Variants in GALNT17 observed in about 807,000 individuals in gnomAD.
GALNT17 encodes UDP-GalNAc:polypeptide N-acetylgalactosaminyltransferase-like 3.
Under a neutral mutation model 63.7 loss-of-function variants are expected in GALNT17, and 29 were observed. That is an observed-to-expected ratio of 0.46 (90% CI 0.34 to 0.62). The LOEUF is 0.62. GALNT17 is among the 20% of genes least tolerant of loss of function. GALNT17 has a pLI of 0.01. For synonymous variants in GALNT17, 305 were observed against 318.3 expected (o/e 0.96, Z 0.45); for missense variants, 603 against 799.6 (o/e 0.75, Z 2.97).
chr7:71,181,185 G>A (rs903058219), intron 1 of GALNT17, among the ~76,000 whole-genome samples: 48 of 149,770 alleles, frequency 3.2e-4, no homozygotes, highest in African/African-American at 1.1e-3. Context: ...AACCCAGGAG[G>A]CATAGGTTAC....
At chr7:71,707,765 C>CT (rs1227468683) in intron 9 of GALNT17, among the ~76,000 whole-genome samples, 1 of 152,166 alleles carries the variant, frequency 6.6e-6, no homozygotes, top group African/African-American at 2.4e-5. Context: ...ACAGGCCAGC[C>CT]TGGGCTTACT....
intron 1 of GALNT17, among the ~76,000 whole-genome samples, chr7:71,148,784 A>T (rs1788071336): frequency 6.7e-6 from 1 of 149,850 alleles, no homozygotes; most frequent in Non-Finnish European, 1.5e-5. Flanking sequence ...TTTCCCCCTC[A>T]GGGTACATAA....
chr7:71,338,544 G>T (rs528186932), intron 2 of GALNT17, among the ~76,000 whole-genome samples: 5 of 152,072 alleles, frequency 3.3e-5, no homozygotes, highest in African/African-American at 1.2e-4. Flanking sequence ...TGTGCATCTT[G>T]GTTGGATTAT....
intron 2 of GALNT17, among the ~76,000 whole-genome samples, chr7:71,352,214 C>G (rs1010549353): frequency 3.9e-5 from 6 of 152,164 alleles, no homozygotes; most frequent in Admixed American, 6.5e-5. Context: ...CTCTCTAATT[C>G]TCTCTTGCCG....
At chr7:71,137,306 A>AT (rs945661210) in intron 1 of GALNT17, among the ~76,000 whole-genome samples, 2 of 150,900 alleles carry the variant, frequency 1.3e-5, no homozygotes, top group Non-Finnish European at 3.0e-5. Flanking sequence ...CGCCCGGCTA[A>AT]TTTTTTGTAT....
chr7:71,688,944 G>A lies in GALNT17; in HGVS notation c.1500+11638G>A, dbSNP rs369730312. Among the ~76,000 whole-genome samples the A allele has an allele frequency of 5.3e-5, 8 of 152,140 alleles. No homozygotes were observed. The East Asian group carries it at 1.5e-3, about 29-fold the overall frequency. ...GTCTATGGGTGCCGTTTTTCCAACA[G>A]CACCTGCTCACTTCCTGTCGCTGTG... On this transcript the variant is annotated intron_variant, in intron 9 of 10. Transcript: ENST00000333538.
chr7:71,281,136 C>A, intron 1 of GALNT17, among the ~76,000 whole-genome samples: 1 of 152,078 alleles, frequency 6.6e-6, no homozygotes, highest in Admixed American at 6.5e-5. Context: ...TAGAAGAAAC[C>A]AAAAGCGGGC....
chr7:71,523,749 AAATAAATAAAT>A (rs1384439194), intron 5 of GALNT17, among the ~76,000 whole-genome samples: 32 of 83,912 alleles, frequency 3.8e-4, no homozygotes, highest in African/African-American at 1.7e-3. Context: ...CTCAAAAAAT[AAATAAATAAAT>A]AAATAAATAA....
intron 1 of GALNT17, among the ~76,000 whole-genome samples, chr7:71,318,683 C>G (rs1355776483): frequency 3.3e-5 from 5 of 152,160 alleles, no homozygotes; most frequent in Non-Finnish European, 7.4e-5. Flanking sequence ...CCACCTCAGC[C>G]TCCCAAAGTG....
At chr7:71,358,804 G>A (rs545527018) in intron 2 of GALNT17, among the ~76,000 whole-genome samples, 67 of 148,680 alleles carry the variant, frequency 4.5e-4, no homozygotes, top group African/African-American at 1.6e-3. Context: ...ACGTGGTTTC[G>A]CTCTTGTTGC....
At chr7:71,708,730 A>G (rs1791753001) in intron 9 of GALNT17, among the ~76,000 whole-genome samples, 2 of 152,034 alleles carry the variant, frequency 1.3e-5, no homozygotes, top group Admixed American at 1.3e-4. Flanking sequence ...TCCTTTTGGC[A>G]TTCCCAGTGT....
chr7:71,496,788 G>C (rs1563136420), intron 5 of GALNT17, among the ~76,000 whole-genome samples: 1 of 152,080 alleles, frequency 6.6e-6, no homozygotes, highest in Non-Finnish European at 1.5e-5. Flanking sequence ...GGGTGGGGTG[G>C]GGAGCGGGGG....
chr7:71,389,419 G>A (rs1793009241), intron 3 of GALNT17, among the ~76,000 whole-genome samples: 1 of 152,036 alleles, frequency 6.6e-6, no homozygotes. Flanking sequence ...CAGGCCATGA[G>A]CCACCGTGCC....
At chr7:71,460,663 G>T (rs974989231) in intron 5 of GALNT17, among the ~76,000 whole-genome samples, 34 of 152,222 alleles carry the variant, frequency 2.2e-4, no homozygotes, top group Middle Eastern at 3.4e-3. Flanking sequence ...ATAAAATAAT[G>T]GCTACTCCCT....
intron 5 of GALNT17, among the ~76,000 whole-genome samples, chr7:71,513,047 G>A (rs989098699): frequency 3.3e-5 from 5 of 152,192 alleles, no homozygotes; most frequent in African/African-American, 1.2e-4. Context: ...AGCCTTTTCT[G>A]TGTTCTCGGG....
At chr7:71,317,575 G>C (rs1033357614) in intron 1 of GALNT17, among the ~76,000 whole-genome samples, 3 of 152,114 alleles carry the variant, frequency 2.0e-5, no homozygotes, top group African/African-American at 7.2e-5. Context: ...GGCTGCTCTG[G>C]GGGGATCATG....
At chr7:71,594,376 G>A (rs1026961898) in intron 6 of GALNT17, among the ~76,000 whole-genome samples, 1 of 152,036 alleles carries the variant, frequency 6.6e-6, no homozygotes, top group African/African-American at 2.4e-5. Flanking sequence ...TGCAACCTCC[G>A]CCTCCCGGGT....
At chr7:71,414,139 G>A (rs967522991) in intron 3 of GALNT17, among the ~76,000 whole-genome samples, 1 of 152,156 alleles carries the variant, frequency 6.6e-6, no homozygotes, top group African/African-American at 2.4e-5. Context: ...TACTCGGGAG[G>A]CTGAGGCAGG....
chr7:71,415,411 T>G (rs550102646), intron 3 of GALNT17, among the ~76,000 whole-genome samples: 116 of 152,292 alleles, frequency 7.6e-4, no homozygotes, highest in African/African-American at 2.7e-3. Context: ...AGGGAGGGTA[T>G]TCAATCCCTG....
Sources: gnomAD v4.1 joint callset for allele counts (sites outside exome capture counted in the v4.1 genomes callset) on GRCh38, gnomAD v4.1.1 for gene constraint, MANE v1.5 for transcripts, NCBI Gene and HGNC (gene_info 2026-07-23, HGNC 2026-07-21) for gene names.